The following FHIP2A variants were observed in gnomAD, a reference collection of about 807,000 sequenced individuals.
FHIP2A encodes the protein family with sequence similarity 160 member B1.
Under a neutral mutation model 93.5 loss-of-function variants are expected in FHIP2A, and 46 were observed. The observed-to-expected ratio is 0.49, with a 90% CI of 0.39 to 0.63. The LOEUF (loss-of-function observed/expected upper bound fraction) is 0.63. FHIP2A is among the 20% of genes least tolerant of loss of function. The probability of loss-of-function intolerance (pLI) is 0.00; values close to 1 mark genes in which losing one functional copy is unlikely to be tolerated. For missense variants in FHIP2A, 769 were observed against 909.7 expected, an observed-to-expected ratio of 0.85 and a Z score of 1.99; for synonymous variants, 332 against 326.5, an observed-to-expected ratio of 1.02 and a Z score of -0.18.
At chr10:114,890,060 C>T (rs1455879078) in intron 16 of FHIP2A, among the ~76,000 whole-genome samples, 1 of 152,056 alleles carries the variant, frequency 6.6e-6, no homozygotes, top group Non-Finnish European at 1.5e-5. Context: ...CAGAGTTTCA[C>T]TCTGTTGCCC....
chr10:114,874,165 G>A (rs1057400603), intron 16 of FHIP2A, among the ~76,000 whole-genome samples: 2 of 152,170 alleles, frequency 1.3e-5, no homozygotes, highest in East Asian at 3.9e-4. Flanking sequence ...AACTTGTTTG[G>A]AGACAAGAGT....
rs2083619098 is a variant in FHIP2A, at chr10:114,833,381, A to G, written c.273A>G (p.Leu91=). The G allele has an allele frequency of 6.2e-7, 1 of 1,613,986 alleles. No homozygotes were observed. The highest frequency in any genetic ancestry group is 8.5e-7 in the Non-Finnish European group (1 of 1,179,928). ...TTCATCACAAGATCTTGGAAACATT[A>G]TATACCTTGGGGAAAGCTGATGTAA... ...YLLHHKILET[L]YTLGKADCPP... Residue 91 remains leucine, a synonymous_variant, in exon 3 of 17, where the codon TTA becomes TTG. Transcript: ENST00000369248.
In FHIP2A at chr10:114,843,954, G is replaced by C; in HGVS notation, c.1013+17G>C. On this transcript the variant is annotated intron_variant, in intron 7 of 16. Transcript: ENST00000369248. Reference sequence around the variant, plus strand: ...TAACTGGGGGTAAGCACCGTTACTTGTATTTTCCCATAAAGGTGACTTCTT... The same window carrying C: ...TAACTGGGGGTAAGCACCGTTACTTCTATTTTCCCATAAAGGTGACTTCTT... 6.5e-7 allele frequency: 1 copy of C among 1,533,002 alleles called. No individual in the cohort carries two copies. Among genetic ancestry groups the C allele is most frequent in the Non-Finnish European group, 8.7e-7 (1 of 1,146,464 alleles). The allele number at this position is 1,533,002 out of a possible 1,614,324, so 95.0% of individuals were successfully genotyped here.
chr10:114,876,384 G>A (rs1007545891), intron 16 of FHIP2A, among the ~76,000 whole-genome samples: 1 of 152,166 alleles, frequency 6.6e-6, no homozygotes, highest in Admixed American at 6.5e-5. Context: ...GGGTACTGCA[G>A]TCCAGACTCC....
chr10:114,898,199 T>C (rs1001409130), intron 16 of FHIP2A, among the ~76,000 whole-genome samples: 1 of 152,180 alleles, frequency 6.6e-6, no homozygotes, highest in Non-Finnish European at 1.5e-5. Flanking sequence ...AGCTGGACCC[T>C]ATACATGTTG....
intron 14 of FHIP2A, among the ~76,000 whole-genome samples, chr10:114,860,535 A>G (rs551701704): frequency 2.6e-5 from 4 of 152,178 alleles, no homozygotes; most frequent in African/African-American, 9.6e-5. Context: ...TATTTTGAGT[A>G]GAGACGGGGT....
In FHIP2A at chr10:114,899,651, C is replaced by A. The variant is rs1291411875; in HGVS notation, c.*137C>A. The A allele has an allele frequency of 9.6e-6, 6 of 625,136 alleles. No homozygotes were observed. The East Asian group carries it at 1.4e-4, about 15-fold the overall frequency. 38.7% of individuals were successfully genotyped at this position (625,136 alleles called of 1,614,324 possible). On this transcript the variant is annotated 3_prime_UTR_variant, in exon 17 of 17. Transcript: ENST00000369250. ...ATCCTGGTGGCCCCAGGCTGATTGG[C>A]AGACCTGAATCACCTATCCCATGCC...
At chr10:114,895,456 G>C (rs2083996519) in intron 16 of FHIP2A, among the ~76,000 whole-genome samples, 1 of 152,188 alleles carries the variant, frequency 6.6e-6, no homozygotes, top group Non-Finnish European at 1.5e-5. Context: ...TAAACTATGA[G>C]TTGCTAAGGA....
chr10:114,825,612 C>T (rs140650220), intron 1 of FHIP2A, among the ~76,000 whole-genome samples: 3 of 152,302 alleles, frequency 2.0e-5, no homozygotes, highest in Non-Finnish European at 2.9e-5. Context: ...TCTCTCAGTA[C>T]AGAAATGATT....
chr10:114,899,565 G>T, exon 17 of FHIP2A: 1 of 717,068 alleles, frequency 1.4e-6, no homozygotes, highest in Non-Finnish European at 2.6e-6. Flanking sequence ...TCAGCCAAAA[G>T]AATCTCGATG....
chr10:114,846,445 C>T, intron 10 of FHIP2A, 78 bp downstream of exon 10: 1 of 1,454,720 alleles, frequency 6.9e-7, no homozygotes, highest in South Asian at 1.3e-5. Context: ...CAGATATTTT[C>T]AATACAACCT....
In FHIP2A at chr10:114,861,284, G is replaced by A. The variant is rs2083797389; in HGVS notation, c.2142G>A (p.Lys714=). The A allele has an allele frequency of 2.5e-6, 4 of 1,614,182 alleles. No individual in the cohort carries two copies. The highest frequency in any genetic ancestry group is 3.4e-6 in the Non-Finnish European group (4 of 1,180,026). The part of the protein sequence containing the change: ...RIQRIQDFTP[K]LLLVRKRLLG... ...AGCGTATTCAAGACTTTACTCCCAA[G>A]CTTCTGTTAGTCAGAAAGCGGTTAC... Residue 714 remains lysine (K), a synonymous_variant, in exon 16 of 17, where the codon AAG becomes AAA. Transcript: ENST00000369248.
At chr10:114,881,118 G>C (rs540902156) in intron 16 of FHIP2A, among the ~76,000 whole-genome samples, 2 of 152,326 alleles carry the variant, frequency 1.3e-5, no homozygotes, top group South Asian at 4.1e-4. Context: ...TAACGAGGGG[G>C]CTGTAAACAT....
intron 13 of FHIP2A, among the ~76,000 whole-genome samples, chr10:114,852,822 A>G (rs146731574): frequency 5.4e-4 from 82 of 152,268 alleles, no homozygotes; most frequent in Middle Eastern, 3.4e-3. Context: ...CTGCTTTTCT[A>G]TATTTCTTAC....
Position 114,862,185 on chromosome 10 carries a change from T to G in FHIP2A, c.*645T>G. On this transcript the variant is annotated 3_prime_UTR_variant, in exon 17 of 17. Coordinates refer to ENST00000369248, the MANE Select transcript of FHIP2A (RefSeq NM_020940.4). ...TATATCTATATTTTTAAAGAAATGT[T>G]CTTTTACTCTTTTGTGCACATAGCC... is the stretch of plus-strand genomic sequence containing the variant. 1 of 941,780 alleles carries G rather than the reference T, an allele frequency of 1.1e-6. No individual in the cohort carries two copies. The highest frequency in any genetic ancestry group is 1.8e-5 in the African/African-American group (1 of 56,354). The allele number at this position is 941,780 out of a possible 1,614,324, so 58.3% of individuals were successfully genotyped here.
In FHIP2A at chr10:114,863,648, G is replaced by C; in HGVS notation, c.*2108G>C. On this transcript the variant is annotated 3_prime_UTR_variant, in exon 17 of 17. Transcript: ENST00000369248. ...TCCCTTCTTTTTTCTTTTATATTTAGTTCAGACCTAGAGCCAGTAGAAGCT... is the reference window on the plus strand; with the variant it reads ...TCCCTTCTTTTTTCTTTTATATTTACTTCAGACCTAGAGCCAGTAGAAGCT... 1 of 1,295,118 alleles carries C rather than the reference G, an allele frequency of 7.7e-7. No homozygotes were observed. Among genetic ancestry groups the C allele is most frequent in the Non-Finnish European group, 1.0e-6 (1 of 985,508 alleles). 80.2% of individuals were successfully genotyped at this position (1,295,118 alleles called of 1,614,324 possible).
chr10:114,855,791 C>T (rs1252398720), intron 14 of FHIP2A, among the ~76,000 whole-genome samples: 3 of 152,190 alleles, frequency 2.0e-5, no homozygotes, highest in East Asian at 1.9e-4. Context: ...AGCTTGTAAA[C>T]GATACTCATT....
chr10:114,831,631 C>G (rs2083608607), intron 2 of FHIP2A, among the ~76,000 whole-genome samples: 2 of 152,162 alleles, frequency 1.3e-5, no homozygotes, highest in Admixed American at 1.3e-4. Flanking sequence ...TAGTGCTAGG[C>G]TACTCATTTT....
chr10:114,841,290 TG>T lies in FHIP2A; in HGVS notation c.523-1641del, dbSNP rs2083666994. ...TTTCATAAAGAGTATGATATGCCAT[TG>T]GTTTTTTTTTTTTTTTTTTGAGGTG... is the stretch of plus-strand genomic sequence containing the variant. On this transcript the variant is annotated intron_variant, in intron 5 of 16. Transcript: ENST00000369248. Among the ~76,000 whole-genome samples, 2 of 129,850 alleles carry T rather than the reference TG, an allele frequency of 1.5e-5. 1 individual carries two copies. Among genetic ancestry groups the T allele is most frequent in the South Asian group, 5.2e-4 (2 of 3,814 alleles). The allele number at this position is 129,850 out of a possible 152,430, so 85.2% of individuals were successfully genotyped here.
Sources: gnomAD v4.1 joint callset for allele counts (sites outside exome capture counted in the v4.1 genomes callset) on GRCh38, gnomAD v4.1.1 for gene constraint, MANE v1.5 for transcripts, NCBI Gene and HGNC (gene_info 2026-07-23, HGNC 2026-07-21) for gene names.